The following EFCAB13 variants were observed in gnomAD, a reference collection of about 807,000 sequenced individuals.
EFCAB13 encodes EF-hand calcium binding domain 13.
A neutral mutation model predicts 110.2 loss-of-function variants in EFCAB13; 91 were observed. The ratio of observed to expected loss-of-function variants is 0.83; its 90% confidence interval spans 0.70 to 0.98. The LOEUF is 0.98. EFCAB13 is among the 50% of genes least tolerant of loss of function. The pLI, the probability that EFCAB13 is intolerant of heterozygous loss-of-function variation, is 0.00. For missense variants in EFCAB13, 968 were observed against 1,119.4 expected (o/e 0.86, Z 1.93); for synonymous variants, 323 against 369.9 (o/e 0.87, Z 1.45).
intron 4 of EFCAB13, among the ~76,000 whole-genome samples, chr17:47,331,085 GT>G (rs2065317312): frequency 2.0e-5 from 3 of 151,970 alleles, no homozygotes; most frequent in Admixed American, 2.0e-4. Flanking sequence ...AGAAATATCT[GT>G]TCATGTTATT....
At chr17:47,344,893 A>G (rs1389193137) in intron 7 of EFCAB13, 123 bp from the exon 8 acceptor site, 1 of 728,524 alleles carries the variant, frequency 1.4e-6, no homozygotes, top group Non-Finnish European at 2.4e-6. Context: ...ATTTTCCATA[A>G]CTTGGACAGT....
At chr17:47,359,856 A>G (rs1452565571) in intron 9 of EFCAB13, among the ~76,000 whole-genome samples, 244 of 133,374 alleles carry the variant, frequency 1.8e-3, no homozygotes, top group Non-Finnish European at 2.6e-3. Flanking sequence ...ATTCCCATCT[A>G]TGAGTGAGAA....
chr17:47,350,746 C>A (rs933483829), intron 9 of EFCAB13, among the ~76,000 whole-genome samples: 64 of 152,064 alleles, frequency 4.2e-4, no homozygotes, highest in African/African-American at 1.5e-3. Flanking sequence ...TTTACATTAC[C>A]TATACATTAT....
intron 17 of EFCAB13, among the ~76,000 whole-genome samples, chr17:47,400,194 C>CTTA (rs2143440360): frequency 6.6e-6 from 1 of 152,280 alleles, no homozygotes; most frequent in South Asian, 2.1e-4. Flanking sequence ...AGACTCTGAA[C>CTTA]TTATCTTCAT....
chr17:47,422,380 C>G (rs1598763562), intron 23 of EFCAB13, among the ~76,000 whole-genome samples: 2 of 152,034 alleles, frequency 1.3e-5, no homozygotes, highest in African/African-American at 4.8e-5. Flanking sequence ...ACTGGAAGTC[C>G]TAGCCAGTAT....
At chr17:47,344,069 G>A in intron 6 of EFCAB13, 93 bp from the exon 7 acceptor site, 1 of 1,364,690 alleles carries the variant, frequency 7.3e-7, no homozygotes, top group Non-Finnish European at 9.7e-7. Context: ...GCCAAGGTAT[G>A]ATTAATTATC....
intron 23 of EFCAB13, among the ~76,000 whole-genome samples, chr17:47,416,339 T>G (rs1026890723): frequency 1.3e-5 from 2 of 152,202 alleles, no homozygotes; most frequent in African/African-American, 4.8e-5. Flanking sequence ...TCTGTATGAA[T>G]TTGCCTATTT....
intron 14 of EFCAB13, among the ~76,000 whole-genome samples, chr17:47,384,242 A>G (rs776216276): frequency 6.8e-5 from 10 of 148,136 alleles, no homozygotes; most frequent in Non-Finnish European, 1.2e-4. Flanking sequence ...TGCATGTGAG[A>G]TGGGTCTCCT....
rs1158873555 is a variant in EFCAB13, at chr17:47,395,970, A to AG, written c.1939dup (p.Val647GlyfsTer2). The AG allele has an allele frequency of 3.7e-6, 6 of 1,603,932 alleles. No homozygotes were observed. In the African/African-American group the frequency reaches 8.1e-5, roughly 22 times the overall value. On this transcript the variant is annotated frameshift_variant, in exon 17 of 25. Transcript: ENST00000331493. LOFTEE classifies it high-confidence loss of function. ...TTCTAGCTGCATTGGAACTAGTGAC[A>AG]GTTGATGGTGAGTGTTACAAATACT... is the stretch of plus-strand genomic sequence containing the variant.
intron 9 of EFCAB13, among the ~76,000 whole-genome samples, chr17:47,357,481 T>G (rs1482651019): frequency 1.3e-5 from 2 of 152,220 alleles, no homozygotes; most frequent in Non-Finnish European, 1.5e-5. Flanking sequence ...AATGGCGCGA[T>G]CTCGCTCACT....
intron 8 of EFCAB13, among the ~76,000 whole-genome samples, chr17:47,345,329 CT>C (rs773884185): frequency 1.3e-5 from 2 of 152,004 alleles, no homozygotes; most frequent in Non-Finnish European, 2.9e-5. Flanking sequence ...GTAGCTTATA[CT>C]AGTTCAAATG....
chr17:47,411,704 A>G (rs899733281), intron 21 of EFCAB13, among the ~76,000 whole-genome samples: 1 of 152,216 alleles, frequency 6.6e-6, no homozygotes, highest in Admixed American at 6.5e-5. Context: ...ATGAAGGCTT[A>G]GATCTCCTGG....
chr17:47,384,667 C>A (rs184827400), intron 14 of EFCAB13, among the ~76,000 whole-genome samples: 32 of 152,168 alleles, frequency 2.1e-4, no homozygotes, highest in African/African-American at 7.2e-4. Context: ...TGAATATTGG[C>A]CCCCACTCTC....
intron 17 of EFCAB13, among the ~76,000 whole-genome samples, chr17:47,401,139 G>A (rs2065777003): frequency 6.6e-6 from 1 of 152,188 alleles, no homozygotes; most frequent in South Asian, 2.1e-4. Context: ...TTTTACTCTA[G>A]AGAATAGTTC....
At chr17:47,438,755 T>C (rs926469808) in intron 24 of EFCAB13, among the ~76,000 whole-genome samples, 2 of 152,150 alleles carry the variant, frequency 1.3e-5, no homozygotes, top group African/African-American at 4.8e-5. Context: ...CCCTCCCTGA[T>C]TAGCTTAATA....
intron 23 of EFCAB13, among the ~76,000 whole-genome samples, chr17:47,418,027 A>G (rs1341368565): frequency 6.6e-6 from 1 of 152,216 alleles, no homozygotes; most frequent in African/African-American, 2.4e-5. Flanking sequence ...GCATTGTCCA[A>G]TATCAAAAGA....
intron 10 of EFCAB13, among the ~76,000 whole-genome samples, chr17:47,363,100 C>T (rs2065525679): frequency 6.6e-6 from 1 of 152,198 alleles, no homozygotes; most frequent in Admixed American, 6.5e-5. Flanking sequence ...GAGACAGTGT[C>T]TCACTCTGTT....
intron 20 of EFCAB13, among the ~76,000 whole-genome samples, chr17:47,408,528 C>A (rs1332827646): frequency 6.6e-6 from 1 of 152,140 alleles, no homozygotes; most frequent in East Asian, 1.9e-4. Flanking sequence ...TGGCCCATGC[C>A]TGTAGTTGCA....
At chr17:47,401,196 G>C (rs182381886) in intron 17 of EFCAB13, among the ~76,000 whole-genome samples, 2 of 152,334 alleles carry the variant, frequency 1.3e-5, no homozygotes, top group South Asian at 2.1e-4. Flanking sequence ...TAGAAGGTGA[G>C]ACATTGTTAA....
Sources: allele counts gnomAD v4.1 joint callset (sites outside exome capture counted in the v4.1 genomes callset), GRCh38; gene constraint gnomAD v4.1.1; transcripts MANE v1.5; gene names NCBI Gene and HGNC (gene_info 2026-07-23, HGNC 2026-07-21).